DBF4: variants seen among roughly 807,000 people sequenced by gnomAD.
The protein encoded by DBF4 is protein DBF4 homolog A.
In DBF4, 25 loss-of-function variants were observed where a neutral mutation model predicts 76.6. That is an observed-to-expected ratio of 0.33 (90% CI 0.24 to 0.46). The LOEUF (loss-of-function observed/expected upper bound fraction) is 0.46, where lower values mean the gene tolerates loss of function less well. Ranked by LOEUF, DBF4 falls within the 20% of genes least tolerant of loss-of-function variation. The probability of loss-of-function intolerance (pLI) is 1.00; values close to 1 mark genes in which losing one functional copy is unlikely to be tolerated. For synonymous variants in DBF4, 213 were observed against 258.0 expected, an observed-to-expected ratio of 0.83 and a Z score of 1.67; for missense variants, 638 against 760.8, an observed-to-expected ratio of 0.84 and a Z score of 1.90.
At chr7:87,899,134 G>A (rs542687526) in intron 8 of DBF4, among the ~76,000 whole-genome samples, 1 of 152,262 alleles carries the variant, frequency 6.6e-6, no homozygotes, top group African/African-American at 2.4e-5. Context: ...AACTCTTGGA[G>A]AGAACACAGG....
chr7:87,876,509 C>A lies in DBF4; in HGVS notation c.-224C>A. The A allele has an allele frequency of 1.9e-6, 1 of 529,860 alleles. No individual in the cohort carries two copies. The highest frequency in any genetic ancestry group is 3.0e-5 in the East Asian group (1 of 32,866). 32.8% of individuals were successfully genotyped at this position (529,860 alleles called of 1,614,324 possible). On this transcript the variant is annotated 5_prime_UTR_variant, in exon 1 of 12. Transcript: ENST00000265728. The stretch of plus-strand genomic sequence containing the variant: ...CGCGTTTTCAAATCTTCAACCGCCG[C>A]AGCCCACTCGTTTGTGCTTTGCGCC...
At chr7:87,885,365 C>T (rs1385134327) in intron 3 of DBF4, among the ~76,000 whole-genome samples, 1 of 152,152 alleles carries the variant, frequency 6.6e-6, no homozygotes, top group East Asian at 1.9e-4. Context: ...ACTCTGATTG[C>T]TTAGGTATAC....
rs754825492 is a variant in DBF4 at position 87,878,168 on chromosome 7, C to T, written c.162C>T (p.Asp54=). 1.2e-6 allele frequency: 2 copies of T among 1,613,330 alleles called. No homozygotes were observed. The highest frequency in any genetic ancestry group is 1.3e-5 in the African/African-American group (1 of 74,862). Residue 54 remains aspartate, a synonymous_variant, in exon 2 of 12, where the codon GAC becomes GAT. Coordinates refer to ENST00000265728, the MANE Select transcript of DBF4 (RefSeq NM_006716.4). ...TTTGGGGAAAAGTATTTTACCTTGA[C>T]TTACCTTCTGTCACCATATCTGAAA... ...KPLWGKVFYL[D]LPSVTISEKL...
At chr7:87,892,227 T>C (rs1183738136) in intron 6 of DBF4, among the ~76,000 whole-genome samples, 1 of 152,220 alleles carries the variant, frequency 6.6e-6, no homozygotes, top group Non-Finnish European at 1.5e-5. Flanking sequence ...TCCACTGCCC[T>C]AAAAATCTTC....
chr7:87,907,882 T>C lies in DBF4; in HGVS notation c.1744T>C (p.Leu582=), dbSNP rs754691189. 6.8e-6 allele frequency: 11 copies of C among 1,613,310 alleles called. No homozygotes were observed. The highest frequency in any genetic ancestry group is 3.3e-5 in the Admixed American group (2 of 59,912). Residue 582 remains leucine (L), a synonymous_variant, in exon 12 of 12, where the codon TTA becomes CTA. Transcript: ENST00000265728. ...AATACATCGAAAAGTGAAAATAATA[T>C]TAGGACGAAATAGAAAAGAAAATCT... ...GKIHRKVKII[L]GRNRKENLEP...
intron 1 of DBF4, among the ~76,000 whole-genome samples, 156 bp downstream of exon 1, chr7:87,876,934 G>A (rs1470344081): frequency 6.6e-6 from 1 of 152,186 alleles, no homozygotes; most frequent in Non-Finnish European, 1.5e-5. Flanking sequence ...TCAGTGTTTT[G>A]CCTAAGAAGG....
intron 6 of DBF4, among the ~76,000 whole-genome samples, chr7:87,892,116 A>G (rs2131057733): frequency 6.6e-6 from 1 of 152,364 alleles, no homozygotes; most frequent in East Asian, 1.9e-4. Context: ...TCCAAAGTTC[A>G]TAGTTCACAT....
chr7:87,899,996 C>T (rs540267601), intron 8 of DBF4, among the ~76,000 whole-genome samples: 1 of 152,172 alleles, frequency 6.6e-6, no homozygotes, highest in East Asian at 1.9e-4. Context: ...CTGAATTGTA[C>T]ACTTAAAATG....
In DBF4 at chr7:87,900,239, T is replaced by C. The variant is rs2131070670; in HGVS notation, c.699T>C (p.Tyr233=). Residue 233 remains tyrosine, a synonymous_variant, in exon 9 of 12, where the codon TAT becomes TAC. Coordinates refer to ENST00000265728, the MANE Select transcript of DBF4 (RefSeq NM_006716.4). Reference sequence around the variant, plus strand: ...CTTCTAGACTTTATAGGCCATTTTATCTTCAGCTGACCAATATGCCTTTTA... The same window carrying C: ...CTTCTAGACTTTATAGGCCATTTTACCTTCAGCTGACCAATATGCCTTTTA... The part of the protein sequence containing the change: ...EDMSQLYRPF[Y]LQLTNMPFIN... 2 of 1,597,392 alleles carry C rather than the reference T, an allele frequency of 1.3e-6. No individual in the cohort carries two copies. The highest frequency in any genetic ancestry group is 2.2e-5 in the East Asian group (1 of 44,540).
At chr7:87,882,015 A>C (rs1456122112) in intron 2 of DBF4, among the ~76,000 whole-genome samples, 1 of 152,254 alleles carries the variant, frequency 6.6e-6, no homozygotes, top group Non-Finnish European at 1.5e-5. Flanking sequence ...GGGAAGTGAC[A>C]GCAAACAAAA....
At chr7:87,880,017 TATG>T (rs1839173252) in intron 2 of DBF4, among the ~76,000 whole-genome samples, 1 of 151,336 alleles carries the variant, frequency 6.6e-6, no homozygotes, top group African/African-American at 2.4e-5. Context: ...TTTTCTCAAA[TATG>T]ATGAACAACC....
intron 8 of DBF4, among the ~76,000 whole-genome samples, chr7:87,898,092 T>C (rs1023301271): frequency 4.6e-5 from 7 of 152,256 alleles, no homozygotes; most frequent in Admixed American, 4.6e-4. Flanking sequence ...GGGATAATCT[T>C]AATGAAGACC....
At chr7:87,880,268 C>T (rs772918108) in intron 2 of DBF4, among the ~76,000 whole-genome samples, 46 of 152,286 alleles carry the variant, frequency 3.0e-4, no homozygotes, top group African/African-American at 9.9e-4. Context: ...TTTTGAATTA[C>T]TTCTGCCATA....
At chr7:87,900,667 A>G in intron 9 of DBF4, 97 bp from the exon 10 acceptor site, 2 of 1,015,914 alleles carry the variant, frequency 2.0e-6, no homozygotes, top group Admixed American at 2.3e-5. Context: ...GTCTCTGCAA[A>G]TTATGCAGAT....
At chr7:87,883,473 A>G (rs1033608053) in intron 2 of DBF4, among the ~76,000 whole-genome samples, 3 of 152,206 alleles carry the variant, frequency 2.0e-5, no homozygotes, top group Non-Finnish European at 4.4e-5. Context: ...TTCTTATGAA[A>G]AATTAGAACC....
intron 6 of DBF4, 180 bp downstream of exon 6, chr7:87,888,239 A>G (rs1839409025): frequency 6.2e-6 from 6 of 965,302 alleles, no homozygotes; most frequent in Non-Finnish European, 7.4e-6. Context: ...ACCAGGTAAA[A>G]GTTGTTCCTG....
In DBF4 at chr7:87,886,894, T is replaced by A; in HGVS notation, c.450T>A (p.His150Gln). 1 of 1,546,702 alleles carries A rather than the reference T, an allele frequency of 6.5e-7. No individual in the cohort carries two copies. Among genetic ancestry groups the A allele is most frequent in the Non-Finnish European group, 8.9e-7 (1 of 1,129,862 alleles). ...TAGTTGAAAAAGCTATCAAGGACCA[T>A]GTAAGTAGGAACTATAAAGATTCAC... ...KLLVEKAIKD[H>Q]DFIPSNSILS... Residue 150 changes from histidine (H) to glutamine (Q), a missense_variant and splice_region_variant, in exon 4 of 12, where the codon CAT becomes CAA. Physicochemically the swap from His to Gln is conservative, Grantham distance 24. Transcript: ENST00000265728.
intron 9 of DBF4, 56 bp downstream of exon 9, chr7:87,900,405 C>A: frequency 6.5e-7 from 1 of 1,527,354 alleles, no homozygotes; most frequent in Non-Finnish European, 8.8e-7. Context: ...CTCAATTTTT[C>A]TTTGTAAAGA....
Position 87,876,580 on chromosome 7 carries a change from C to G in DBF4, c.-153C>G. 1 of 794,720 alleles carries G rather than the reference C, an allele frequency of 1.3e-6. No individual in the cohort carries two copies. Among genetic ancestry groups the G allele is most frequent in the South Asian group, 1.6e-5 (1 of 63,472 alleles). The allele number at this position is 794,720 out of a possible 1,614,324, so 49.2% of individuals were successfully genotyped here. A position where few individuals can be genotyped will look rare whatever the true frequency, so the allele number is the denominator to read the frequency against. On this transcript the variant is annotated 5_prime_UTR_variant, in exon 1 of 12. Transcript: ENST00000265728. ...GCCGGATCCGGCCCCGGAAACCCGACCTGCAGACGCGGTACCTCTACTGCG... is the reference window on the plus strand; with the variant it reads ...GCCGGATCCGGCCCCGGAAACCCGAGCTGCAGACGCGGTACCTCTACTGCG...
Sources: allele counts gnomAD v4.1 joint callset (sites outside exome capture counted in the v4.1 genomes callset), GRCh38; gene constraint gnomAD v4.1.1; transcripts MANE v1.5; gene names NCBI Gene and HGNC (gene_info 2026-07-23, HGNC 2026-07-21).